The following RHEB variants were observed in gnomAD, a reference collection of about 807,000 sequenced individuals.
The protein encoded by RHEB is Ras homolog, mTORC1 binding.
Under a neutral mutation model 28.8 loss-of-function variants are expected in RHEB, and 2 were observed. That is an observed-to-expected ratio of 0.07 (90% confidence interval 0.03 to 0.22). The LOEUF (loss-of-function observed/expected upper bound fraction) is 0.22, where lower values mean the gene tolerates loss of function less well. Among genes scored for constraint, RHEB ranks in the 10% least tolerant of loss-of-function variants. RHEB has a pLI of 1.00. For synonymous variants in RHEB, 69 were observed against 77.3 expected, an observed-to-expected ratio of 0.89 and a Z score of 0.56; for missense variants, 76 against 219.9, an observed-to-expected ratio of 0.35 and a Z score of 4.14.
intron 1 of RHEB, chr7:151,498,194 G>A: frequency 7.8e-7 from 1 of 1,276,488 alleles, no homozygotes; most frequent in Non-Finnish European, 1.0e-6. Flanking sequence ...CAAGGAAAAG[G>A]TCAGGTAAAT....
At chr7:151,487,183 G>C (rs1056634059) in intron 2 of RHEB, among the ~76,000 whole-genome samples, 3 of 152,206 alleles carry the variant, frequency 2.0e-5, no homozygotes, top group Non-Finnish European at 4.4e-5. Context: ...CACGCCTGTA[G>C]TCCTAGCTAC....
chr7:151,518,512 G>T (rs1457472822), intron 1 of RHEB, among the ~76,000 whole-genome samples: 2 of 152,074 alleles, frequency 1.3e-5, no homozygotes, highest in Non-Finnish European at 2.9e-5. Flanking sequence ...CAGGCTTCCG[G>T]ATGTCGGGAG....
Position 151,491,077 on chromosome 7 carries a change from C to A in RHEB, c.53-63G>T, listed in dbSNP as rs115306361. The A allele has an allele frequency of 1.7e-3, 2,136 of 1,231,386 alleles. 20 individuals are homozygous for A. The African/African-American group carries it at 0.029, about 17-fold the overall frequency. 76.3% of individuals were successfully genotyped at this position (1,231,386 alleles called of 1,614,324 possible). ...ATGAAGGTAAAAATTTTTAATTTTG[C>A]TGTTTTATTAAAAAACCATTAATAG... On this transcript the variant is annotated intron_variant, in intron 1 of 7. Coordinates refer to ENST00000262187, the MANE Select transcript of RHEB (RefSeq NM_005614.4).
intron 3 of RHEB, among the ~76,000 whole-genome samples, chr7:151,479,628 A>G (rs1802344708): frequency 6.7e-6 from 1 of 149,148 alleles, no homozygotes; most frequent in Non-Finnish European, 1.5e-5. Context: ...GCTTGCAGTG[A>G]GCCGAGATCG....
At chr7:151,498,255 C>G in intron 1 of RHEB, 1 of 734,096 alleles carries the variant, frequency 1.4e-6, no homozygotes, top group South Asian at 1.4e-5. Context: ...AAGCAGCTCT[C>G]TAACTTTAGG....
chr7:151,470,700 A>T (rs766697252), intron 6 of RHEB, 48 bp from the exon 7 acceptor site: 1 of 1,275,654 alleles, frequency 7.8e-7, no homozygotes, highest in African/African-American at 1.5e-5. Flanking sequence ...TCTTCATTAT[A>T]TAAAACATGT....
intron 4 of RHEB, among the ~76,000 whole-genome samples, chr7:151,474,827 A>G (rs909188481): frequency 3.3e-5 from 5 of 152,270 alleles, no homozygotes; most frequent in Admixed American, 3.3e-4. Context: ...AAAAAGGATT[A>G]GACAATTCTG....
chr7:151,500,207 G>C (rs757092192), intron 1 of RHEB, among the ~76,000 whole-genome samples: 7 of 152,120 alleles, frequency 4.6e-5, no homozygotes, highest in Non-Finnish European at 1.0e-4. Flanking sequence ...AGGAAGATGA[G>C]AATGTGACTC....
chr7:151,511,563 C>T (rs1324536098), intron 1 of RHEB, among the ~76,000 whole-genome samples: 4 of 151,580 alleles, frequency 2.6e-5, no homozygotes, highest in African/African-American at 9.8e-5. Context: ...TCCAATCCTA[C>T]AGGAACTCCT....
intron 3 of RHEB, among the ~76,000 whole-genome samples, chr7:151,478,072 C>T (rs758532932): frequency 1.7e-4 from 26 of 152,182 alleles, no homozygotes; most frequent in African/African-American, 4.1e-4. Context: ...GTACCTATTA[C>T]GCAACAGCAC....
rs370744691 is a variant in RHEB, at chr7:151,479,500, G to A, written c.193-2085C>T. On this transcript the variant is annotated intron_variant, in intron 3 of 7. Transcript: ENST00000262187. ...GATTCATATCATCCTGGCTAACACA[G>A]TGAAACCCCGTCTCCACTCAAAATA... is the stretch of plus-strand genomic sequence containing the variant. 3.4e-3 allele frequency among the ~76,000 whole-genome samples: 517 copies of A among 152,114 alleles called. 5 individuals are homozygous for A. The highest frequency in any genetic ancestry group is 0.012 in the African/African-American group (504 of 41,510).
intron 1 of RHEB, chr7:151,502,901 A>G (rs1802798070): frequency 1.2e-6 from 1 of 824,126 alleles, no homozygotes; most frequent in Non-Finnish European, 2.2e-6. Flanking sequence ...GTTACAATCG[A>G]AAGTTTTAAA....
rs1424671509 is a variant in RHEB at position 151,466,930 on chromosome 7, G to A, written c.*189C>T. 2 of 469,330 alleles carry A rather than the reference G, an allele frequency of 4.3e-6. No homozygotes were observed. The highest frequency in any genetic ancestry group is 7.7e-6 in the Non-Finnish European group (2 of 259,354). 29.1% of individuals were successfully genotyped at this position (469,330 alleles called of 1,614,324 possible). A position where few individuals can be genotyped will look rare whatever the true frequency, so the allele number is the denominator to read the frequency against. On this transcript the variant is annotated 3_prime_UTR_variant, in exon 8 of 8. Coordinates refer to ENST00000262187, the MANE Select transcript of RHEB (RefSeq NM_005614.4). ...TTGAAAATATGATTGCTTAAAATTT[G>A]AAAATGGAAGTGAACTCATTTGGAC...
intron 2 of RHEB, among the ~76,000 whole-genome samples, chr7:151,485,042 G>C (rs1240542278): frequency 6.6e-6 from 1 of 152,184 alleles, no homozygotes; most frequent in Non-Finnish European, 1.5e-5. Context: ...CTTTTTCAAA[G>C]AGACAAAGTA....
intron 7 of RHEB, among the ~76,000 whole-genome samples, chr7:151,469,977 G>C (rs1363217066): frequency 2.0e-5 from 3 of 152,192 alleles, no homozygotes; most frequent in African/African-American, 7.2e-5. Context: ...CGGGAGACAA[G>C]CTTGGTGCCG....
intron 1 of RHEB, among the ~76,000 whole-genome samples, chr7:151,493,862 CAT>C (rs1802628404): frequency 1.3e-5 from 2 of 151,896 alleles, no homozygotes; most frequent in South Asian, 2.1e-4. Flanking sequence ...AAACTCCTCT[CAT>C]GTTATTGAAA....
At chr7:151,484,848 C>T (rs1374134622) in intron 2 of RHEB, 44 bp from the exon 3 acceptor site, 1 of 1,357,520 alleles carries the variant, frequency 7.4e-7, no homozygotes, top group Admixed American at 1.7e-5. Flanking sequence ...AAAAAATTAA[C>T]TCGAAACCAC....
intron 1 of RHEB, among the ~76,000 whole-genome samples, chr7:151,517,370 G>A (rs56918235): frequency 0.14 from 8,912 of 61,524 alleles, 746 homozygotes; most frequent in African/African-American, 0.24. Flanking sequence ...CTCCGTCTCG[G>A]AAAAAAAAAA....
intron 1 of RHEB, among the ~76,000 whole-genome samples, chr7:151,508,617 A>G (rs1157193477): frequency 6.7e-6 from 1 of 149,496 alleles, no homozygotes; most frequent in Non-Finnish European, 1.5e-5. Flanking sequence ...CTAAAATTAC[A>G]TTAGGTTATA....
Sources: allele counts gnomAD v4.1 joint callset (sites outside exome capture counted in the v4.1 genomes callset), GRCh38; gene constraint gnomAD v4.1.1; transcripts MANE v1.5; gene names NCBI Gene and HGNC (gene_info 2026-07-23, HGNC 2026-07-21).